CFAP299: variants seen among roughly 807,000 people sequenced by gnomAD.
The protein encoded by CFAP299 is cilia- and flagella-associated protein 299.
Under a neutral mutation model 27.0 loss-of-function variants are expected in CFAP299, and 21 were observed. The observed-to-expected ratio is 0.78, with a 90% CI of 0.55 to 1.12. The LOEUF (loss-of-function observed/expected upper bound fraction) is 1.12. CFAP299 is among the 50% of genes most tolerant of loss of function. The pLI, the probability that CFAP299 is intolerant of heterozygous loss-of-function variation, is 0.00. For synonymous variants in CFAP299, 104 were observed against 98.1 expected (o/e 1.06, Z -0.36); for missense variants, 310 against 276.6 (o/e 1.12, Z -0.86).
intron 3 of CFAP299, among the ~76,000 whole-genome samples, chr4:80,830,271 ATAAT>A (rs1008272491): frequency 2.0e-5 from 3 of 152,112 alleles, no homozygotes. Context: ...AAATGGATAA[ATAAT>A]TAAATTACAA....
chr4:80,518,659 GAA>G (rs1275383536), intron 2 of CFAP299, among the ~76,000 whole-genome samples: 1 of 152,104 alleles, frequency 6.6e-6, no homozygotes, highest in Admixed American at 6.6e-5. Flanking sequence ...ATTTAAGGGA[GAA>G]AAAATGACTG....
intron 3 of CFAP299, among the ~76,000 whole-genome samples, chr4:80,631,040 T>C (rs1739179291): frequency 6.6e-6 from 1 of 152,078 alleles, no homozygotes; most frequent in Non-Finnish European, 1.5e-5. Flanking sequence ...AAAATATAGT[T>C]GTTTCCTTTA....
intron 2 of CFAP299, among the ~76,000 whole-genome samples, chr4:80,551,780 G>A (rs945542005): frequency 2.0e-5 from 3 of 150,542 alleles, no homozygotes; most frequent in African/African-American, 4.9e-5. Flanking sequence ...ATGGAGACTC[G>A]GTCTATCACC....
chr4:80,354,859 T>A (rs1236594405), intron 1 of CFAP299, among the ~76,000 whole-genome samples: 1 of 152,196 alleles, frequency 6.6e-6, no homozygotes, highest in Non-Finnish European at 1.5e-5. Context: ...ATCTTACTCA[T>A]TTTATAGCTG....
At chr4:80,730,725 T>A (rs555168364) in intron 3 of CFAP299, among the ~76,000 whole-genome samples, 13 of 152,246 alleles carry the variant, frequency 8.5e-5, no homozygotes, top group African/African-American at 3.1e-4. Flanking sequence ...AGATAATAGA[T>A]GTTTGCTATT....
intron 2 of CFAP299, among the ~76,000 whole-genome samples, chr4:80,577,116 T>G (rs1206149696): frequency 6.6e-6 from 1 of 152,204 alleles, no homozygotes; most frequent in East Asian, 1.9e-4. Context: ...GATGTAGTGT[T>G]TATGATATGC....
intron 1 of CFAP299, among the ~76,000 whole-genome samples, chr4:80,350,047 G>C (rs1722944192): frequency 6.6e-6 from 1 of 152,106 alleles, no homozygotes; most frequent in South Asian, 2.1e-4. Flanking sequence ...AAACAACTCT[G>C]TTCACCAGCA....
chr4:80,699,341 T>C (rs1721317658), intron 3 of CFAP299, among the ~76,000 whole-genome samples: 1 of 152,202 alleles, frequency 6.6e-6, no homozygotes, highest in Non-Finnish European at 1.5e-5. Context: ...ATGCCATTGC[T>C]GCTTCAACAA....
At chr4:80,440,971 T>C (rs1728330388) in intron 2 of CFAP299, among the ~76,000 whole-genome samples, 1 of 151,496 alleles carries the variant, frequency 6.6e-6, no homozygotes, top group Non-Finnish European at 1.5e-5. Context: ...AGATGGAAGA[T>C]CAAATGAAAA....
chr4:80,849,351 A>G (rs1430112589), intron 3 of CFAP299, among the ~76,000 whole-genome samples: 3 of 152,172 alleles, frequency 2.0e-5, no homozygotes, highest in Non-Finnish European at 2.9e-5. Flanking sequence ...AAATGCTGTT[A>G]TGGGGTACAT....
At chr4:80,364,949 T>C (rs551753169) in intron 2 of CFAP299, among the ~76,000 whole-genome samples, 2 of 152,346 alleles carry the variant, frequency 1.3e-5, no homozygotes, top group East Asian at 3.9e-4. Flanking sequence ...ATTCTTTTTA[T>C]GGCTGCATAG....
intron 4 of CFAP299, among the ~76,000 whole-genome samples, chr4:80,894,069 G>A (rs979488607): frequency 2.6e-5 from 4 of 151,664 alleles, no homozygotes; most frequent in African/African-American, 7.3e-5. Flanking sequence ...CTAACCAAAC[G>A]TTTCTCAAAA....
chr4:80,680,010 G>T (rs904047620), intron 3 of CFAP299, among the ~76,000 whole-genome samples: 1 of 151,738 alleles, frequency 6.6e-6, no homozygotes, highest in Non-Finnish European at 1.5e-5. Context: ...GTCCTTATCC[G>T]TTCTGTCTTC....
chr4:80,550,269 T>A (rs1329127021), intron 2 of CFAP299, among the ~76,000 whole-genome samples: 9 of 152,068 alleles, frequency 5.9e-5, no homozygotes, highest in African/African-American at 2.2e-4. Flanking sequence ...GAATAAGACC[T>A]GTGAATTATG....
rs567017152 is a variant in CFAP299 at position 80,656,694 on chromosome 4, A to G, written c.333+73511A>G. Among the ~76,000 whole-genome samples, 112 of 152,274 alleles carry G rather than the reference A, an allele frequency of 7.4e-4. 1 individual carries two copies. Among genetic ancestry groups the G allele is most frequent in the African/African-American group, 2.6e-3 (106 of 41,550 alleles). ...AGTGCTGCAATAAACATACATGTGC[A>G]TGTGTCTTTATAGTAGAATGATTTA... is the stretch of plus-strand genomic sequence containing the variant. On this transcript the variant is annotated intron_variant, in intron 3 of 5. Transcript: ENST00000358105.
intron 4 of CFAP299, among the ~76,000 whole-genome samples, chr4:80,926,939 T>G (rs1327630733): frequency 2.0e-5 from 3 of 152,066 alleles, no homozygotes; most frequent in Admixed American, 1.3e-4. Flanking sequence ...TTCACCTGAA[T>G]GTTTCCTCTT....
At chr4:80,389,973 C>T (rs952612861) in intron 2 of CFAP299, among the ~76,000 whole-genome samples, 1 of 151,944 alleles carries the variant, frequency 6.6e-6, no homozygotes, top group Non-Finnish European at 1.5e-5. Context: ...AGTGATTTTT[C>T]CAGAATTATT....
chr4:80,787,813 T>G (rs1727331159), intron 3 of CFAP299, among the ~76,000 whole-genome samples: 1 of 151,738 alleles, frequency 6.6e-6, no homozygotes, highest in African/African-American at 2.4e-5. Flanking sequence ...ATGGAGTTTT[T>G]CCCTATCTAT....
At chr4:80,593,227 C>G (rs556112946) in intron 3 of CFAP299, among the ~76,000 whole-genome samples, 21 of 152,270 alleles carry the variant, frequency 1.4e-4, no homozygotes, top group Non-Finnish European at 2.9e-4. Flanking sequence ...AAATCTGAAC[C>G]AACTGTCTTC....
Sources: gnomAD v4.1 joint callset for allele counts (sites outside exome capture counted in the v4.1 genomes callset) on GRCh38, gnomAD v4.1.1 for gene constraint, MANE v1.5 for transcripts, NCBI Gene and HGNC (gene_info 2026-07-23, HGNC 2026-07-21) for gene names.